The following NDST4 variants were observed in gnomAD, a reference collection of about 807,000 sequenced individuals.
The protein encoded by NDST4 is N-heparan sulfate sulfotransferase 4.
NDST4 carries 63 observed loss-of-function variants against 100.8 expected under a neutral mutation model. The observed-to-expected ratio is 0.62, with a 90% CI of 0.51 to 0.77. NDST4 has a LOEUF of 0.77. NDST4 is among the 30% of genes least tolerant of loss of function. The pLI is 0.00. For missense variants in NDST4, 943 were observed against 1,018.4 expected (o/e 0.93, Z 1.01); for synonymous variants, 377 against 361.8 (o/e 1.04, Z -0.48).
chr4:115,049,952 C>T (rs1324284723), intron 2 of NDST4, among the ~76,000 whole-genome samples: 1 of 152,118 alleles, frequency 6.6e-6, no homozygotes, highest in Non-Finnish European at 1.5e-5. Flanking sequence ...AGATGAAGAC[C>T]TAGCAATATT....
intron 2 of NDST4, among the ~76,000 whole-genome samples, chr4:115,000,179 A>T (rs1727255285): frequency 6.6e-6 from 1 of 151,266 alleles, no homozygotes; most frequent in South Asian, 2.1e-4. Context: ...ATGTGATGGC[A>T]ACTAGATCAT....
chr4:115,040,814 T>C (rs1415212995), intron 2 of NDST4, among the ~76,000 whole-genome samples: 1 of 151,998 alleles, frequency 6.6e-6, no homozygotes, highest in African/African-American at 2.4e-5. Flanking sequence ...GCATCAATAA[T>C]AGAATACAAC....
chr4:115,091,181 G>T (rs1008485781), intron 1 of NDST4, among the ~76,000 whole-genome samples: 3 of 151,956 alleles, frequency 2.0e-5, no homozygotes, highest in South Asian at 2.1e-4. Context: ...ATTAACATTT[G>T]TCCAGTATCA....
In NDST4 at chr4:115,075,990, T is replaced by A. The variant is rs188590072; in HGVS notation, c.978+69A>T. The A allele has an allele frequency of 1.8e-4, 265 of 1,484,358 alleles. 3 individuals carry two copies. The East Asian group carries it at 4.5e-3, about 25-fold the overall frequency. 91.9% of individuals were successfully genotyped at this position (1,484,358 alleles called of 1,614,324 possible). ...AACTTTAGGGATTAATAATCTATCA[T>A]ATTAGTAATATTTTATCGGTACCAT... On this transcript the variant is annotated intron_variant, in intron 2 of 13. Coordinates refer to ENST00000264363, the MANE Select transcript of NDST4 (RefSeq NM_022569.3).
chr4:114,935,087 T>G (rs975514900), intron 6 of NDST4, 119 bp downstream of exon 6: 2 of 780,516 alleles, frequency 2.6e-6, no homozygotes, highest in Non-Finnish European at 3.6e-6. Context: ...TTTAAATGCA[T>G]GACCAGTAAG....
At chr4:114,986,824 A>AT (rs1354529061) in intron 2 of NDST4, among the ~76,000 whole-genome samples, 14 of 110,980 alleles carry the variant, frequency 1.3e-4, no homozygotes, top group African/African-American at 4.3e-4. Flanking sequence ...ATATATATAT[A>AT]TATATATATT....
intron 2 of NDST4, among the ~76,000 whole-genome samples, chr4:114,989,403 A>T (rs912991083): frequency 6.6e-6 from 1 of 152,210 alleles, no homozygotes; most frequent in Non-Finnish European, 1.5e-5. Context: ...ATGCTTACCT[A>T]TTCAAGAAAT....
At chr4:114,940,374 T>G (rs982644912) in intron 4 of NDST4, among the ~76,000 whole-genome samples, 1 of 152,214 alleles carries the variant, frequency 6.6e-6, no homozygotes. Flanking sequence ...TATTTAGCAC[T>G]AAAGCTCTAA....
intron 4 of NDST4, among the ~76,000 whole-genome samples, chr4:114,952,184 C>A (rs1026771156): frequency 6.6e-6 from 1 of 151,936 alleles, no homozygotes; most frequent in Non-Finnish European, 1.5e-5. Flanking sequence ...AACAAGGTAT[C>A]CAGAAAAGAC....
At chr4:115,057,873 TG>T (rs1728737247) in intron 2 of NDST4, among the ~76,000 whole-genome samples, 1 of 152,138 alleles carries the variant, frequency 6.6e-6, no homozygotes, top group South Asian at 2.1e-4. Context: ...ATATATACTA[TG>T]TGTGCATGAT....
At chr4:114,856,046 C>T (rs1273714259) in intron 7 of NDST4, among the ~76,000 whole-genome samples, 2 of 151,630 alleles carry the variant, frequency 1.3e-5, no homozygotes, top group Non-Finnish European at 2.9e-5. Context: ...TTGAGATAAG[C>T]CCCTTCCTTT....
chr4:114,970,307 G>A, intron 4 of NDST4, 123 bp downstream of exon 4: 1 of 832,464 alleles, frequency 1.2e-6, no homozygotes, highest in Non-Finnish European at 1.8e-6. Context: ...CAATACATGT[G>A]ATGCACCCTG....
At chr4:115,058,051 G>T (rs1347439061) in intron 2 of NDST4, among the ~76,000 whole-genome samples, 1 of 152,082 alleles carries the variant, frequency 6.6e-6, no homozygotes, top group Non-Finnish European at 1.5e-5. Flanking sequence ...AAATGGCTTT[G>T]AATTTATTTC....
chr4:114,829,191 G>A (rs1354107878), intron 13 of NDST4, among the ~76,000 whole-genome samples: 1 of 151,918 alleles, frequency 6.6e-6, no homozygotes, highest in Non-Finnish European at 1.5e-5. Context: ...CCAATTGCTG[G>A]CTGGTTTTCC....
intron 1 of NDST4, 63 bp from the exon 2 acceptor site, chr4:115,077,345 A>G (rs979861903): frequency 1.2e-5 from 2 of 167,508 alleles, no homozygotes; most frequent in Non-Finnish European, 2.6e-5. Context: ...TTATTTCTAT[A>G]TAAATGCTGA....
chr4:114,841,841 A>C (rs1264456103), intron 10 of NDST4, among the ~76,000 whole-genome samples: 1 of 152,178 alleles, frequency 6.6e-6, no homozygotes, highest in Non-Finnish European at 1.5e-5. Flanking sequence ...CTTCCAATCT[A>C]AGTGTTTTTT....
intron 2 of NDST4, among the ~76,000 whole-genome samples, chr4:114,983,749 C>T (rs1259092361): frequency 6.6e-6 from 1 of 152,040 alleles, no homozygotes; most frequent in African/African-American, 2.4e-5. Context: ...TTGGGAGGGG[C>T]CAGGGGCAGA....
intron 4 of NDST4, among the ~76,000 whole-genome samples, chr4:114,963,495 A>C (rs938811668): frequency 5.9e-5 from 9 of 152,170 alleles, no homozygotes; most frequent in Non-Finnish European, 1.3e-4. Flanking sequence ...AAATGTTCTA[A>C]AATTATGATT....
chr4:114,980,316 A>G (rs113236391), intron 2 of NDST4, among the ~76,000 whole-genome samples: 1 of 152,276 alleles, frequency 6.6e-6, no homozygotes, highest in African/African-American at 2.4e-5. Context: ...CTACCTGAAT[A>G]TTTCGTGCGG....
Sources: gnomAD v4.1 joint callset for allele counts (sites outside exome capture counted in the v4.1 genomes callset) on GRCh38, gnomAD v4.1.1 for gene constraint, MANE v1.5 for transcripts, NCBI Gene and HGNC (gene_info 2026-07-23, HGNC 2026-07-21) for gene names.